Variants in IFT80 observed in about 807,000 individuals in gnomAD.
The protein encoded by IFT80 is intraflagellar transport protein 80 homolog.
In IFT80, 79 loss-of-function variants were observed where a neutral mutation model predicts 107.9. That is an observed-to-expected ratio of 0.73 (90% CI 0.61 to 0.88). The LOEUF (loss-of-function observed/expected upper bound fraction) is 0.88. Ranked by LOEUF, IFT80 falls within the 40% of genes least tolerant of loss-of-function variation. IFT80 has a pLI of 0.00. For missense variants in IFT80, 797 were observed against 914.2 expected (o/e 0.87, Z 1.65); for synonymous variants, 299 against 300.9 (o/e 0.99, Z 0.07).
intron 10 of IFT80, among the ~76,000 whole-genome samples, chr3:160,306,148 T>C (rs574348480): frequency 9.2e-5 from 14 of 152,236 alleles, no homozygotes; most frequent in Admixed American, 9.2e-4. Flanking sequence ...GGAGGCAAGG[T>C]TCAATCACAA....
intron 2 of IFT80, among the ~76,000 whole-genome samples, chr3:160,382,291 A>T (rs1712578930): frequency 6.6e-6 from 1 of 152,138 alleles, no homozygotes; most frequent in South Asian, 2.1e-4. Flanking sequence ...TTAACAGCTG[A>T]AACTAAAATC....
chr3:160,366,255 C>A (rs962556535), intron 5 of IFT80, 103 bp from the exon 6 acceptor site: 8 of 793,728 alleles, frequency 1.0e-5, no homozygotes, highest in Admixed American at 4.1e-5. Flanking sequence ...TATGAGGTGT[C>A]ATTTCATTTC....
chr3:160,375,590 T>C (rs1711950414), intron 5 of IFT80, among the ~76,000 whole-genome samples: 1 of 152,092 alleles, frequency 6.6e-6, no homozygotes. Flanking sequence ...AAAAAGCCCT[T>C]GAGTATTTCC....
At chr3:160,355,324 C>T (rs993147383) in intron 8 of IFT80, among the ~76,000 whole-genome samples, 6 of 152,158 alleles carry the variant, frequency 3.9e-5, no homozygotes, top group Non-Finnish European at 8.8e-5. Context: ...TTATAGCTTG[C>T]TACAGCCTCC....
rs150195212 is a variant in IFT80, at chr3:160,284,702, C to T, written c.1380+1102G>A. On this transcript the variant is annotated intron_variant, in intron 13 of 19. Coordinates refer to ENST00000326448, the MANE Select transcript of IFT80 (RefSeq NM_020800.3). The stretch of plus-strand genomic sequence containing the variant: ...ATTGGAAACAGTTTAAATTCTGATA[C>T]ATACATAAAATGTTATACCATACAG... Among the ~76,000 whole-genome samples the T allele has an allele frequency of 6.1e-3, 928 of 152,182 alleles. 11 individuals carry two copies. The highest frequency in any genetic ancestry group is 0.022 in the African/African-American group (902 of 41,534).
At chr3:160,360,147 A>C (rs1721388683) in intron 6 of IFT80, among the ~76,000 whole-genome samples, 1 of 152,232 alleles carries the variant, frequency 6.6e-6, no homozygotes, top group South Asian at 2.1e-4. Context: ...TAAACAGCGT[A>C]GAGAAGACCT....
At position 160,375,855 on chromosome 3, in the gene IFT80, A is replaced by G. The variant is rs371379244; in HGVS notation, c.396T>C (p.Ile132=). Residue 132 remains isoleucine (I), a synonymous_variant, in exon 5 of 20, where the codon ATT becomes ATC. Transcript: ENST00000326448. ...VTVGEDGQIK[I]WSKTGMLRST... is the part of the protein sequence containing the mutation. ...ATCTAAGCATCCCAGTCTTTGACCA[A>G]ATTTTTATTTGTCCATCTTCTCCAA... 5 of 1,610,860 alleles carry G rather than the reference A, an allele frequency of 3.1e-6. No individual in the cohort carries two copies. Among genetic ancestry groups the G allele is most frequent in the Admixed American group, 3.3e-5 (2 of 59,906 alleles).
At chr3:160,382,250 A>C (rs1331729433) in intron 2 of IFT80, among the ~76,000 whole-genome samples, 1 of 152,210 alleles carries the variant, frequency 6.6e-6, no homozygotes, top group African/African-American at 2.4e-5. Flanking sequence ...ACATATTATC[A>C]TAACAATTCA....
At chr3:160,292,807 T>C (rs1715675623) in intron 12 of IFT80, among the ~76,000 whole-genome samples, 1 of 152,190 alleles carries the variant, frequency 6.6e-6, no homozygotes, top group African/African-American at 2.4e-5. Flanking sequence ...AACACTTTTT[T>C]CTTTCTTCCT....
At chr3:160,309,469 T>C (rs1021663844) in intron 9 of IFT80, among the ~76,000 whole-genome samples, 5 of 152,198 alleles carry the variant, frequency 3.3e-5, no homozygotes, top group Admixed American at 2.6e-4. Context: ...GGCAGGCAGA[T>C]AACAAGGTCA....
rs576581072 is a variant in IFT80, at chr3:160,358,887, G to C, written c.550-1309C>G. ...TCCTTGAAGGCAGAAACTATGTTCT[G>C]TTTCATTTTGACTATCTCATACCTA... On this transcript the variant is annotated intron_variant, in intron 6 of 19. Coordinates refer to ENST00000326448, the MANE Select transcript of IFT80 (RefSeq NM_020800.3). Among the ~76,000 whole-genome samples the C allele has an allele frequency of 3.3e-5, 5 of 152,100 alleles. No homozygotes were observed. The East Asian group carries it at 9.6e-4, about 29-fold the overall frequency.
Position 160,335,034 on chromosome 3 carries a change from C to T in IFT80, c.778-15095G>A, listed in dbSNP as rs192330382. On this transcript the variant is annotated intron_variant, in intron 8 of 19. Coordinates refer to ENST00000326448, the MANE Select transcript of IFT80 (RefSeq NM_020800.3). ...AGTGGAAAGAAATAGGTAATTTTTT[C>T]AAGATAAAAAACAAACTCAAATACT... Among the ~76,000 whole-genome samples the T allele has an allele frequency of 4.4e-3, 672 of 151,700 alleles. 2 individuals are homozygous for T. Among genetic ancestry groups the T allele is most frequent in the Admixed American group, 7.3e-3 (112 of 15,242 alleles).
intron 1 of IFT80, 54 bp from the exon 2 acceptor site, chr3:160,384,700 G>A (rs1017808038): frequency 3.1e-5 from 43 of 1,375,700 alleles, no homozygotes; most frequent in Middle Eastern, 3.6e-4. Context: ...ACAAATGTAC[G>A]TATACAAACA....
intron 8 of IFT80, among the ~76,000 whole-genome samples, chr3:160,355,747 C>A (rs1449700911): frequency 6.6e-6 from 1 of 151,996 alleles, no homozygotes; most frequent in Admixed American, 6.6e-5. Context: ...AATTTTAATA[C>A]TTTAACTACT....
chr3:160,369,505 C>A (rs1722089364), intron 5 of IFT80, among the ~76,000 whole-genome samples: 1 of 151,856 alleles, frequency 6.6e-6, no homozygotes, highest in South Asian at 2.1e-4. Flanking sequence ...AGCTATACAA[C>A]TTTCAATTTG....
chr3:160,381,418 T>C (rs1011380122), intron 3 of IFT80, 85 bp downstream of exon 3: 2 of 1,039,840 alleles, frequency 1.9e-6, no homozygotes, highest in African/African-American at 3.2e-5. Context: ...CAAATACCAG[T>C]TTTGTAAAAC....
At chr3:160,291,642 C>G (rs113941168) in intron 12 of IFT80, among the ~76,000 whole-genome samples, 1 of 152,180 alleles carries the variant, frequency 6.6e-6, no homozygotes, top group Non-Finnish European at 1.5e-5. Flanking sequence ...GCACTGCATG[C>G]TGTTTGCCTC....
At chr3:160,287,729 C>T (rs1482720043) in intron 12 of IFT80, among the ~76,000 whole-genome samples, 1 of 152,128 alleles carries the variant, frequency 6.6e-6, no homozygotes. Context: ...GAGAAATATA[C>T]AATCTCTTGG....
At chr3:160,383,748 TG>T (rs1301573926) in intron 2 of IFT80, 1 of 985,222 alleles carries the variant, frequency 1.0e-6, no homozygotes, top group African/African-American at 1.7e-5. Flanking sequence ...GACACATAAC[TG>T]GGGACTCTTG....
Sources: allele counts gnomAD v4.1 joint callset (sites outside exome capture counted in the v4.1 genomes callset), GRCh38; gene constraint gnomAD v4.1.1; transcripts MANE v1.5; gene names NCBI Gene and HGNC (gene_info 2026-07-23, HGNC 2026-07-21).